Variants in ATXN2L observed in about 807,000 individuals in gnomAD.
The protein encoded by ATXN2L is ataxin-2-like protein.
A neutral mutation model predicts 120.7 loss-of-function variants in ATXN2L; 24 were observed. That is an observed-to-expected ratio of 0.20 (90% CI 0.14 to 0.28). ATXN2L has a LOEUF of 0.28. ATXN2L is among the 10% of genes least tolerant of loss of function. ATXN2L has a pLI of 1.00. For synonymous variants in ATXN2L, 653 were observed against 568.1 expected (o/e 1.15, Z -2.13); for missense variants, 1,312 against 1,432.3 (o/e 0.92, Z 1.36).
At chr16:28,831,970 G>C (rs2054638774) in intron 10 of ATXN2L, among the ~76,000 whole-genome samples, 1 of 152,208 alleles carries the variant, frequency 6.6e-6, no homozygotes, top group African/African-American at 2.4e-5. Context: ...TTGCCTTGCT[G>C]CGTAGCTTGA....
chr16:28,836,676 C>T lies in ATXN2L; in HGVS notation c.*411C>T. On this transcript the variant is annotated 3_prime_UTR_variant, in exon 22 of 22. Transcript: ENST00000336783. ...CACTGGACGGCATTGGAGGAAGGGA[C>T]AGCTGCTTGGGTTCTAATGCTCCTG... 1 of 1,613,616 alleles carries T rather than the reference C, an allele frequency of 6.2e-7. No homozygotes were observed. The highest frequency in any genetic ancestry group is 8.5e-7 in the Non-Finnish European group (1 of 1,179,932).
rs140005664 is a variant in ATXN2L, at chr16:28,833,496, T to G, written c.2013T>G (p.Pro671=). 1 of 1,614,206 alleles carries G rather than the reference T, an allele frequency of 6.2e-7. No homozygotes were observed. Among genetic ancestry groups the G allele is most frequent in the Admixed American group, 1.7e-5 (1 of 60,016 alleles). The change falls in exon 15 of 22, where the codon CCT becomes CCG. Residue 671 remains proline, a synonymous_variant. Transcript: ENST00000336783. ...CTAAGGAGTTCAATCCTACAAAGCCTCTGCTGTCTGTGGTGAGCTGGGACA... is the reference window on the plus strand; with the variant it reads ...CTAAGGAGTTCAATCCTACAAAGCCGCTGCTGTCTGTGGTGAGCTGGGACA... ...PNAKEFNPTK[P]LLSVNKSTST...
chr16:28,833,902 G>C, intron 15 of ATXN2L, 163 bp from the exon 16 acceptor site: 2 of 833,996 alleles, frequency 2.4e-6, no homozygotes, highest in Non-Finnish European at 1.9e-6. Context: ...TGTAACTTTA[G>C]AATACTCATC....
At position 28,835,957 on chromosome 16, in the gene ATXN2L, G is replaced by A. The variant is rs541094771; in HGVS notation, c.2920G>A (p.Ala974Thr). ...TQAHVQTGIT[A>T]APPPHPGAPH... is the part of the protein sequence containing the mutation. ...GGCCCATGTCCAAACTGGAATCACAGCAGCCCCGCCCCCTCACCCTGGGGC... is the reference window on the plus strand; with the variant it reads ...GGCCCATGTCCAAACTGGAATCACAACAGCCCCGCCCCCTCACCCTGGGGC... The change falls in exon 22 of 22, where the codon GCA becomes ACA. Residue 974 changes from alanine (A) to threonine (T), a missense_variant. Transcript: ENST00000336783. The A allele has an allele frequency of 1.6e-5, 24 of 1,541,614 alleles. No individual in the cohort carries two copies. In the African/African-American group the frequency reaches 2.9e-4, roughly 19 times the overall value.
In ATXN2L at chr16:28,832,510, A is replaced by G; in HGVS notation, c.1531A>G (p.Thr511Ala). Reference sequence around the variant, plus strand: ...TACTTGAACAGTAAAAGAACTCTCTACCAAGGAACCTGGGAGAACTCTGGA... The same window carrying G: ...TACTTGAACAGTAAAAGAACTCTCTGCCAAGGAACCTGGGAGAACTCTGGA... ...LAPTDVKELS[T>A]KEPGRTLEPQ... Residue 511 changes from threonine (T) to alanine (A), a missense_variant, in exon 12 of 22, where the codon ACC becomes GCC. Transcript: ENST00000336783. The G allele has an allele frequency of 6.2e-7, 1 of 1,614,126 alleles. No individual in the cohort carries two copies. Among genetic ancestry groups the G allele is most frequent in the Non-Finnish European group, 8.5e-7 (1 of 1,179,994 alleles).
chr16:28,825,277 T>A, intron 1 of ATXN2L, 89 bp from the exon 2 acceptor site: 1 of 1,173,904 alleles, frequency 8.5e-7, no homozygotes, highest in Non-Finnish European at 1.3e-6. Flanking sequence ...CATCATCAGG[T>A]GGTATATACT....
intron 1 of ATXN2L, chr16:28,824,038 C>A: frequency 1.1e-6 from 1 of 946,198 alleles, no homozygotes; most frequent in Non-Finnish European, 1.3e-6. Context: ...TTGCTGCCTC[C>A]CCCTTCCCGG....
In ATXN2L at chr16:28,833,141, A is replaced by T; in HGVS notation, c.1742A>T (p.Lys581Ile). 6.2e-7 allele frequency: 1 copy of T among 1,614,162 alleles called. No homozygotes were observed. The highest frequency in any genetic ancestry group is 8.5e-7 in the Non-Finnish European group (1 of 1,180,008). The stretch of plus-strand genomic sequence containing the variant: ...AAGGAGGAGCCCAAAGGAAAGGAGA[A>T]AGAGGTTGATGGTCTGTTGACTTCA... ...ILKEEPKGKE[K>I]EVDGLLTSEP... The change falls in exon 14 of 22, where the codon AAA (lysine) becomes ATA (isoleucine). Residue 581 changes from lysine to isoleucine, a missense_variant. Lys to Ile is a moderately radical substitution (Grantham distance 102). Transcript: ENST00000336783.
rs1670770238 is a variant in ATXN2L at position 28,826,892 on chromosome 16, A to T, written c.647A>T (p.Asn216Ile). 6.3e-7 allele frequency: 1 copy of T among 1,596,206 alleles called. No individual in the cohort carries two copies. Among genetic ancestry groups the T allele is most frequent in the Non-Finnish European group, 8.6e-7 (1 of 1,168,644 alleles). The change falls in exon 6 of 22, where the codon AAC (asparagine) becomes ATC (isoleucine). Residue 216 changes from asparagine to isoleucine, a missense_variant. Physicochemically the swap from Asn to Ile is moderately radical, Grantham distance 149 (BLOSUM62 -3). Coordinates refer to ENST00000336783, the MANE Select transcript of ATXN2L (RefSeq NM_007245.4). ...DKFTDSAIAM[N>I]SKVNGEHKEK... ...TTCACCGATTCAGCCATTGCCATGA[A>T]CTCGAAAGTGAATGGGGAACACAAA... is the stretch of plus-strand genomic sequence containing the variant.
Position 28,830,078 on chromosome 16 carries a change from A to AGGACT in ATXN2L, c.1034+21_1034+25dup, listed in dbSNP as rs757411900. The AGGACT allele has an allele frequency of 1.9e-6, 3 of 1,600,420 alleles. No individual in the cohort carries two copies. The highest frequency in any genetic ancestry group is 2.6e-6 in the Non-Finnish European group (3 of 1,170,812). On this transcript the variant is annotated intron_variant, in intron 8 of 21. Transcript: ENST00000336783. ...ATCCAGGTGACTGTTGCAAACAGCC[A>AGGACT]GGACTACTTGGGGCTTCTGGGAATA...
At chr16:28,826,642 T>A in intron 5 of ATXN2L, 1 of 636,234 alleles carries the variant, frequency 1.6e-6, no homozygotes, top group South Asian at 2.7e-5. Context: ...TTTGCTTGGT[T>A]TTTAACTTCT....
In ATXN2L at chr16:28,825,807, C is replaced by G. The variant is rs768650089; in HGVS notation, c.431C>G (p.Thr144Ser). The change falls in exon 4 of 22, where the codon ACT becomes AGT. Residue 144 changes from threonine to serine, a missense_variant. Physicochemically the swap from Thr to Ser is moderately conservative, Grantham distance 58 (BLOSUM62 1). Coordinates refer to ENST00000336783, the MANE Select transcript of ATXN2L (RefSeq NM_007245.4). ...TCDVKVKNGTTYEGIFKTLSS... is the reference protein window; with the variant it reads ...TCDVKVKNGTSYEGIFKTLSS... Reference sequence around the variant, plus strand: ...GATGTAAAGGTGAAAAATGGTACCACTTATGAGGGTATCTTCAAGACGCTA... The same window carrying G: ...GATGTAAAGGTGAAAAATGGTACCAGTTATGAGGGTATCTTCAAGACGCTA... 4 of 1,613,936 alleles carry G rather than the reference C, an allele frequency of 2.5e-6. No homozygotes were observed. The highest frequency in any genetic ancestry group is 2.5e-6 in the Non-Finnish European group (3 of 1,179,944).
In ATXN2L at chr16:28,823,477, C is replaced by T. The variant is rs1305512138; in HGVS notation, c.218C>T (p.Ala73Val). ...GCCGGGAGCGGGCTCCGCCGGGGAG[C>T]CGAAGGCATCTTGGCGCCGCAGCCG... Reference protein sequence around the residue: ...AAAGSGLRRGAEGILAPQPPP... With the variant: ...AAAGSGLRRGVEGILAPQPPP... The change falls in exon 1 of 22, where the codon GCC becomes GTC. Residue 73 changes from alanine to valine, a missense_variant. Coordinates refer to ENST00000336783, the MANE Select transcript of ATXN2L (RefSeq NM_007245.4). The T allele has an allele frequency of 1.0e-5, 14 of 1,367,260 alleles. No individual in the cohort carries two copies. In the East Asian group the frequency reaches 3.1e-4, roughly 30 times the overall value. 84.7% of individuals were successfully genotyped at this position (1,367,260 alleles called of 1,614,324 possible).
In ATXN2L at chr16:28,836,704, C is replaced by T. The variant is rs750252421; in HGVS notation, c.*439C>T. 6.2e-7 allele frequency: 1 copy of T among 1,613,852 alleles called. No homozygotes were observed. Among genetic ancestry groups the T allele is most frequent in the African/African-American group, 1.3e-5 (1 of 74,846 alleles). ...CTGCTTGGGTTCTAATGCTCCTGCT[C>T]TCTTCTCTTTCCCCTCCAACCAGTT... On this transcript the variant is annotated 3_prime_UTR_variant, in exon 22 of 22. Transcript: ENST00000336783.
intron 1 of ATXN2L, 99 bp downstream of exon 1, chr16:28,823,657 C>A: frequency 1.7e-6 from 2 of 1,162,276 alleles, no homozygotes; most frequent in South Asian, 3.1e-5. Flanking sequence ...TCAGGGGCAC[C>A]GGCTGGGTGG....
chr16:28,832,785 G>C (rs2055004682), intron 12 of ATXN2L, 32 bp from the exon 13 acceptor site: 1 of 1,605,982 alleles, frequency 6.2e-7, no homozygotes, highest in African/African-American at 1.3e-5. Context: ...AGAATGTTTT[G>C]TATTTTCTTC....
In ATXN2L at chr16:28,836,033, G is replaced by GGCCCCCCCAAGGCGCGGT; in HGVS notation, c.3002_3019dup (p.Pro1001_Pro1006dup). The GGCCCCCCCAAGGCGCGGT allele has an allele frequency of 6.3e-7, 1 of 1,592,274 alleles. No homozygotes were observed. Among genetic ancestry groups the GGCCCCCCCAAGGCGCGGT allele is most frequent in the Non-Finnish European group, 8.6e-7 (1 of 1,167,422 alleles). On this transcript the variant is annotated inframe_insertion, in exon 22 of 22. Transcript: ENST00000336783. ...CTGCACCCACCCCAGAGTCATGGGG[G>GGCCCCCCCAAGGCGCGGT]GCCCCCCCAAGGCGCGGTGCCCCAG...
rs937381106 is a variant in ATXN2L at position 28,823,209 on chromosome 16, GC to G, written c.-46del. On this transcript the variant is annotated 5_prime_UTR_variant, in exon 1 of 22. Transcript: ENST00000336783. ...GCTCTCCAGCGGGGCCCCAGCCCCG[GC>G]CCCCTCTCTCCCTCCCTTCTCTCTA... 1 of 1,241,124 alleles carries G rather than the reference GC, an allele frequency of 8.1e-7. No individual in the cohort carries two copies. 76.9% of individuals were successfully genotyped at this position (1,241,124 alleles called of 1,614,324 possible).
At position 28,830,758 on chromosome 16, in the gene ATXN2L, G is replaced by C; in HGVS notation, c.1178G>C (p.Gly393Ala). Reference protein sequence around the residue: ...GPHHLDNSSPGPGSEARGING... With the variant: ...GPHHLDNSSPAPGSEARGING... Reference sequence around the variant, plus strand: ...CACCATCTGGACAACAGCAGCCCTGGCCCAGGTTCTGAGGCCCGTGGTATC... The same window carrying C: ...CACCATCTGGACAACAGCAGCCCTGCCCCAGGTTCTGAGGCCCGTGGTATC... The change falls in exon 9 of 22, where the codon GGC becomes GCC. Residue 393 changes from glycine to alanine, a missense_variant. Transcript: ENST00000336783. The C allele has an allele frequency of 6.2e-7, 1 of 1,610,696 alleles. No homozygotes were observed. Among genetic ancestry groups the C allele is most frequent in the Non-Finnish European group, 8.5e-7 (1 of 1,178,736 alleles).
Sources: allele counts gnomAD v4.1 joint callset (sites outside exome capture counted in the v4.1 genomes callset), GRCh38; gene constraint gnomAD v4.1.1; transcripts MANE v1.5; gene names NCBI Gene and HGNC (gene_info 2026-07-23, HGNC 2026-07-21).